The following ACSL3 variants were observed in gnomAD, a reference collection of about 807,000 sequenced individuals.
ACSL3 encodes the protein fatty acid CoA ligase Acsl3.
In ACSL3, 34 loss-of-function variants were observed where a neutral mutation model predicts 84.7. The ratio of observed to expected loss-of-function variants is 0.40; its 90% CI spans 0.31 to 0.53. The LOEUF (loss-of-function observed/expected upper bound fraction) is 0.53. Among genes scored for constraint, ACSL3 ranks in the 20% least tolerant of loss-of-function variants. The pLI, the probability that ACSL3 is intolerant of heterozygous loss-of-function variation, is 0.48. For synonymous variants in ACSL3, 315 were observed against 299.4 expected, an observed-to-expected ratio of 1.05 and a Z score of -0.54; for missense variants, 680 against 873.1, an observed-to-expected ratio of 0.78 and a Z score of 2.79.
chr2:222,911,464 T>C (rs1696438581), intron 4 of ACSL3, among the ~76,000 whole-genome samples: 3 of 152,376 alleles, frequency 2.0e-5, no homozygotes, highest in Middle Eastern at 3.4e-3. Flanking sequence ...CTTTTCTATC[T>C]GCTTATAGAT....
At chr2:222,873,261 T>G (rs1240721598) in intron 1 of ACSL3, among the ~76,000 whole-genome samples, 1 of 152,198 alleles carries the variant, frequency 6.6e-6, no homozygotes, top group Admixed American at 6.5e-5. Flanking sequence ...CCATATATTA[T>G]GTTGATTTTG....
intron 14 of ACSL3, among the ~76,000 whole-genome samples, chr2:222,931,500 A>G (rs1326833305): frequency 6.6e-6 from 1 of 151,978 alleles, no homozygotes; most frequent in Non-Finnish European, 1.5e-5. Flanking sequence ...CTCTTCAGTC[A>G]GCTTCCCATG....
At chr2:222,933,387 A>G (rs1363498126) in intron 15 of ACSL3, 107 bp downstream of exon 15, 12 of 732,030 alleles carry the variant, frequency 1.6e-5, no homozygotes, top group Non-Finnish European at 2.2e-5. Flanking sequence ...AACTCTTCCT[A>G]TCTGTTACTT....
chr2:222,873,903 A>G (rs1019295781), intron 1 of ACSL3, among the ~76,000 whole-genome samples: 6 of 152,260 alleles, frequency 3.9e-5, no homozygotes, highest in South Asian at 4.1e-4. Context: ...AAAAGGTATG[A>G]AAAATTTAAA....
In ACSL3 at chr2:222,920,981, ACT is replaced by A. The variant is rs772233904; in HGVS notation, c.806-296_806-295del. On this transcript the variant is annotated intron_variant, in intron 7 of 16. Coordinates refer to ENST00000357430, the MANE Select transcript of ACSL3 (RefSeq NM_004457.5). ...TTTATTCAGGCCTTTGCTAAACGAA[ACT>A]CTACAGAGACGGTCTCCAGGCTTTT... 15 of 515,184 alleles carry A rather than the reference ACT, an allele frequency of 2.9e-5. 1 individual carries two copies. The highest frequency in any genetic ancestry group is 2.0e-4 in the South Asian group (13 of 64,950). The allele number at this position is 515,184 out of a possible 1,614,324, so 31.9% of individuals were successfully genotyped here. A position where few individuals can be genotyped will look rare whatever the true frequency, so the allele number is the denominator to read the frequency against.
At chr2:222,874,698 G>A (rs796811253) in intron 1 of ACSL3, among the ~76,000 whole-genome samples, 3 of 151,996 alleles carry the variant, frequency 2.0e-5, no homozygotes, top group Admixed American at 6.6e-5. Flanking sequence ...TTAGCAACCC[G>A]AGTATTTATT....
intron 2 of ACSL3, among the ~76,000 whole-genome samples, chr2:222,899,916 T>G (rs1007686580): frequency 1.3e-5 from 2 of 152,180 alleles, no homozygotes; most frequent in South Asian, 4.1e-4. Flanking sequence ...ATTTGTTCCC[T>G]TAACTGGAAA....
chr2:222,903,837 G>A (rs946433570), intron 3 of ACSL3, among the ~76,000 whole-genome samples: 1 of 152,090 alleles, frequency 6.6e-6, no homozygotes, highest in Non-Finnish European at 1.5e-5. Context: ...GACTATTTAA[G>A]GTATTCAGTG....
rs1559273429 is a variant in ACSL3, at chr2:222,866,744, GCCCCCCCCGCCCCCCCCCCCCCCC to G, written c.-207+5495_-207+5518del. 6.6e-4 allele frequency among the ~76,000 whole-genome samples: 15 copies of G among 22,756 alleles called. 1 individual carries two copies. Among genetic ancestry groups the G allele is most frequent in the Admixed American group, 9.4e-4 (1 of 1,068 alleles). The allele number at this position is 22,756 out of a possible 152,430, so 14.9% of individuals were successfully genotyped here. On this transcript the variant is annotated intron_variant, in intron 1 of 16. Coordinates refer to ENST00000357430, the MANE Select transcript of ACSL3 (RefSeq NM_004457.5). ...TTGCTGCCCCAAATAAAACTGCCCT[GCCCCCCCCGCCCCCCCCCCCCCCC>G]CCCCCCCCCGCCCCGGGGAAATCAT...
At chr2:222,925,568 C>G (rs954694961) in intron 11 of ACSL3, among the ~76,000 whole-genome samples, 1 of 152,036 alleles carries the variant, frequency 6.6e-6, no homozygotes, top group East Asian at 1.9e-4. Flanking sequence ...CCACTGCACA[C>G]CACCCTGGGT....
chr2:222,876,886 A>C (rs1695464287), intron 1 of ACSL3, among the ~76,000 whole-genome samples: 1 of 152,194 alleles, frequency 6.6e-6, no homozygotes, highest in Admixed American at 6.5e-5. Flanking sequence ...TAGGAAGGAC[A>C]TCTAACCCAG....
At chr2:222,866,328 G>A (rs1240282040) in intron 1 of ACSL3, among the ~76,000 whole-genome samples, 1 of 152,052 alleles carries the variant, frequency 6.6e-6, no homozygotes, top group African/African-American at 2.4e-5. Context: ...TGTATTTTCG[G>A]TAGAGATGGG....
chr2:222,913,312 CCT>C (rs1491464457), intron 4 of ACSL3, among the ~76,000 whole-genome samples: 2 of 151,708 alleles, frequency 1.3e-5, no homozygotes, highest in Non-Finnish European at 2.9e-5. Context: ...ATTTTTTTAC[CCT>C]GTTTGTGTAT....
In ACSL3 at chr2:222,916,465, T is replaced by A. The variant is rs1574552422; in HGVS notation, c.525T>A (p.Ala175=). 6.2e-7 allele frequency: 1 copy of A among 1,611,570 alleles called. No homozygotes were observed. The highest frequency in any genetic ancestry group is 2.2e-5 in the East Asian group (1 of 44,856). The change falls in exon 5 of 17, where the codon GCT becomes GCA. Residue 175 remains alanine (A), a synonymous_variant. Transcript: ENST00000357430. ...AGACCAGGGCCGAGTGGATGATAGC[T>A]GCACAGGCGTGTTTTATGTATAATT... is the stretch of plus-strand genomic sequence containing the variant. The part of the protein sequence containing the change: ...FCETRAEWMI[A]AQACFMYNFQ...
chr2:222,930,883 A>G, intron 14 of ACSL3, 71 bp downstream of exon 14: 1 of 1,337,640 alleles, frequency 7.5e-7, no homozygotes, highest in Admixed American at 2.2e-5. Context: ...CAATATATTT[A>G]GAGGAGGCGC....
chr2:222,867,009 A>G (rs1305726978), intron 1 of ACSL3, among the ~76,000 whole-genome samples: 2 of 151,350 alleles, frequency 1.3e-5, no homozygotes, highest in African/African-American at 2.4e-5. Context: ...TAATTTTTGT[A>G]TTTTTGGTAG....
intron 2 of ACSL3, among the ~76,000 whole-genome samples, chr2:222,900,303 C>T (rs1456880686): frequency 2.0e-5 from 3 of 152,124 alleles, no homozygotes; most frequent in South Asian, 4.1e-4. Flanking sequence ...TATTGGTTTC[C>T]TCAGTGGTAC....
At chr2:222,892,336 A>G (rs1026262933) in intron 2 of ACSL3, among the ~76,000 whole-genome samples, 11 of 152,152 alleles carry the variant, frequency 7.2e-5, no homozygotes, top group Non-Finnish European at 1.0e-4. Flanking sequence ...CTCTTGAACT[A>G]GGTATCTAGG....
intron 3 of ACSL3, 142 bp downstream of exon 3, chr2:222,900,922 A>G (rs147996574): frequency 1.5e-3 from 226 of 152,360 alleles, no homozygotes; most frequent in African/African-American, 5.1e-3. Context: ...TTCAAAGGGC[A>G]CAACAGTTCA....
Sources: allele counts gnomAD v4.1 joint callset (sites outside exome capture counted in the v4.1 genomes callset), GRCh38; gene constraint gnomAD v4.1.1; transcripts MANE v1.5; gene names NCBI Gene and HGNC (gene_info 2026-07-23, HGNC 2026-07-21).